ZC2HC1A: variants seen among roughly 807,000 people sequenced by gnomAD.
ZC2HC1A encodes the protein zinc finger C2HC domain-containing protein 1A.
A neutral mutation model predicts 40.7 loss-of-function variants in ZC2HC1A; 28 were observed. That is an observed-to-expected ratio of 0.69 (90% confidence interval 0.51 to 0.94). The LOEUF is 0.94. ZC2HC1A is among the 40% of genes least tolerant of loss of function. The pLI, the probability that ZC2HC1A is intolerant of heterozygous loss-of-function variation, is 0.00. For synonymous variants in ZC2HC1A, 129 were observed against 129.2 expected, an observed-to-expected ratio of 1.00 and a Z score of 0.01; for missense variants, 389 against 386.3, an observed-to-expected ratio of 1.01 and a Z score of -0.06.
chr8:78,696,060 G>T (rs1332798482), intron 5 of ZC2HC1A, among the ~76,000 whole-genome samples: 1 of 151,624 alleles, frequency 6.6e-6, no homozygotes, highest in East Asian at 1.9e-4. Flanking sequence ...TTTTGAGACG[G>T]AGTCTTGCTC....
intron 2 of ZC2HC1A, chr8:78,676,099 G>T: frequency 2.9e-6 from 1 of 339,800 alleles, no homozygotes; most frequent in East Asian, 4.4e-5. Flanking sequence ...CTCATTTTAC[G>T]AGACTCTTAC....
Position 78,717,436 on chromosome 8 carries a change from C to A in ZC2HC1A, c.921C>A (p.Tyr307Ter), listed in dbSNP as rs780581410. The A allele has an allele frequency of 6.2e-7, 1 of 1,612,784 alleles. No individual in the cohort carries two copies. The highest frequency in any genetic ancestry group is 1.7e-5 in the Admixed American group (1 of 59,884). The stretch of plus-strand genomic sequence containing the variant: ...TCTGCCATGAGTGTGGGACTAAATA[C>A]CCTGTAGAATGGGCCAAATTTTGCT... ...PKFCHECGTK[Y>*]PVEWAKFCCE... Residue 307 changes from tyrosine (Y) to a stop codon, truncating the protein, a stop_gained, in exon 9 of 9, where the codon TAC (tyrosine) becomes TAA (stop). Transcript: ENST00000263849. LOFTEE classifies it high-confidence loss of function.
chr8:78,693,399 T>A (rs1271071241), intron 5 of ZC2HC1A, among the ~76,000 whole-genome samples: 1 of 152,186 alleles, frequency 6.6e-6, no homozygotes, highest in Non-Finnish European at 1.5e-5. Context: ...ACCTGTTGTT[T>A]CCTGATTTTT....
intron 1 of ZC2HC1A, among the ~76,000 whole-genome samples, chr8:78,670,339 G>C (rs757585385): frequency 6.6e-6 from 1 of 152,128 alleles, no homozygotes; most frequent in African/African-American, 2.4e-5. Context: ...GTGAATGAGA[G>C]GCAGAGAAGG....
Position 78,678,660 on chromosome 8 carries a change from TA to T in ZC2HC1A, c.195del (p.Lys65AsnfsTer27). 1.2e-6 allele frequency: 2 copies of T among 1,608,884 alleles called. No individual in the cohort carries two copies. Among genetic ancestry groups the T allele is most frequent in the Middle Eastern group, 1.7e-4 (1 of 6,018 alleles). ...GCTGAAGGAACTGATATTCCAACAG[TA>T]AAACCTCTCAAACCGAGGGTAACTA... ...QRAEGTDIPT[V>X]KPLKPRPEPP... is the part of the protein sequence containing the mutation. On this transcript the variant is annotated frameshift_variant, in exon 3 of 9. Coordinates refer to ENST00000263849, the MANE Select transcript of ZC2HC1A (RefSeq NM_016010.3). LOFTEE classifies it high-confidence loss of function.
intron 2 of ZC2HC1A, among the ~76,000 whole-genome samples, chr8:78,677,139 T>G (rs909378519): frequency 2.0e-5 from 3 of 152,142 alleles, no homozygotes; most frequent in Non-Finnish European, 4.4e-5. Flanking sequence ...GAGGTTTTAT[T>G]TTTTCCCAAA....
intron 1 of ZC2HC1A, 81 bp downstream of exon 1, chr8:78,666,245 G>A (rs1809293136): frequency 6.5e-7 from 1 of 1,544,244 alleles, no homozygotes; most frequent in Admixed American, 2.0e-5. Context: ...GTAGCAGGAA[G>A]GCGAGGGCTG....
In ZC2HC1A at chr8:78,673,969, AC is replaced by A. The variant is rs1408712896; in HGVS notation, c.17-1817del. ...ATAATAATTTTCGTTTTTTAAAAAA[AC>A]ATTTTAAACATGTTTGATAACTTGT... On this transcript the variant is annotated intron_variant, in intron 1 of 8. Transcript: ENST00000263849. Among the ~76,000 whole-genome samples, 15 of 152,262 alleles carry A rather than the reference AC, an allele frequency of 9.9e-5. No homozygotes were observed. The South Asian group carries it at 1.9e-3, about 19-fold the overall frequency.
At chr8:78,680,625 AT>A (rs1159600393) in intron 3 of ZC2HC1A, among the ~76,000 whole-genome samples, 6 of 152,212 alleles carry the variant, frequency 3.9e-5, no homozygotes. Flanking sequence ...TACAAACTTC[AT>A]TTTTGGAAAA....
intron 5 of ZC2HC1A, among the ~76,000 whole-genome samples, chr8:78,691,240 C>T (rs1454962207): frequency 6.6e-6 from 1 of 151,940 alleles, no homozygotes; most frequent in African/African-American, 2.4e-5. Flanking sequence ...ACTTTTCTTA[C>T]ATTTCTCTTT....
chr8:78,672,188 A>AAGG (rs1809452398), intron 1 of ZC2HC1A, among the ~76,000 whole-genome samples: 2 of 152,268 alleles, frequency 1.3e-5, no homozygotes, highest in South Asian at 4.1e-4. Context: ...TAAGGTATTT[A>AAGG]TCATGATCTG....
chr8:78,671,682 T>A (rs982444939), intron 1 of ZC2HC1A, among the ~76,000 whole-genome samples: 2 of 152,198 alleles, frequency 1.3e-5, no homozygotes, highest in Non-Finnish European at 2.9e-5. Flanking sequence ...ATCATATATT[T>A]CTTTCTAATT....
chr8:78,715,273 G>GCC lies in ZC2HC1A; in HGVS notation c.760_761dup (p.Gly255GlnfsTer16). 6.2e-7 allele frequency: 1 copy of GCC among 1,613,800 alleles called. No homozygotes were observed. Among genetic ancestry groups the GCC allele is most frequent in the Non-Finnish European group, 8.5e-7 (1 of 1,179,880 alleles). On this transcript the variant is annotated frameshift_variant, in exon 8 of 9. Transcript: ENST00000263849. LOFTEE classifies it high-confidence loss of function. ...ACCACCTAGTTTGGCAAGAAATCCT[G>GCC]CCCCAGGTGTGCTTACAAACAAAAG...
At chr8:78,691,374 T>G (rs959740115) in intron 5 of ZC2HC1A, among the ~76,000 whole-genome samples, 12 of 152,192 alleles carry the variant, frequency 7.9e-5, no homozygotes, top group Admixed American at 3.9e-4. Flanking sequence ...TTTTTGTCTG[T>G]GGCAATATTT....
intron 8 of ZC2HC1A, among the ~76,000 whole-genome samples, chr8:78,716,063 A>G (rs2130617295): frequency 6.7e-6 from 1 of 148,802 alleles, no homozygotes; most frequent in African/African-American, 2.5e-5. Flanking sequence ...AAAGGCTGTT[A>G]TAGTGTATAG....
At chr8:78,705,973 G>C (rs1260755468) in intron 7 of ZC2HC1A, among the ~76,000 whole-genome samples, 1 of 152,162 alleles carries the variant, frequency 6.6e-6, no homozygotes, top group Non-Finnish European at 1.5e-5. Flanking sequence ...CCAGTTGTGA[G>C]GTCCTGCTCT....
intron 4 of ZC2HC1A, among the ~76,000 whole-genome samples, chr8:78,688,841 G>A (rs758436758): frequency 2.6e-5 from 4 of 151,880 alleles, no homozygotes; most frequent in African/African-American, 2.4e-5. Context: ...GTATTTTAAC[G>A]TCATGTATTA....
intron 3 of ZC2HC1A, among the ~76,000 whole-genome samples, chr8:78,683,942 C>A (rs1273693669): frequency 2.0e-5 from 3 of 152,196 alleles, no homozygotes; most frequent in Admixed American, 1.3e-4. Context: ...CACCTTTGCT[C>A]CATTTCCCAG....
At chr8:78,678,813 CTG>C (rs1390945915) in intron 3 of ZC2HC1A, 134 bp downstream of exon 3, 12 of 521,768 alleles carry the variant, frequency 2.3e-5, no homozygotes, top group East Asian at 6.9e-5. Context: ...AAATACAATT[CTG>C]TGTTATATGT....
Sources: allele counts gnomAD v4.1 joint callset (sites outside exome capture counted in the v4.1 genomes callset), GRCh38; gene constraint gnomAD v4.1.1; transcripts MANE v1.5; gene names NCBI Gene and HGNC (gene_info 2026-07-23, HGNC 2026-07-21).